PHF20L1: variants seen among roughly 807,000 people sequenced by gnomAD.
PHF20L1 encodes PHD finger protein 20 like 1, also known as PHD finger protein 20-like protein 1.
Under a neutral mutation model 125.5 loss-of-function variants are expected in PHF20L1, and 44 were observed. The observed-to-expected ratio is 0.35, with a 90% CI of 0.28 to 0.45. The LOEUF is 0.45. PHF20L1 is among the 20% of genes least tolerant of loss of function. The pLI is 1.00. For missense variants in PHF20L1, 1,012 were observed against 1,217.2 expected (o/e 0.83, Z 2.51); for synonymous variants, 380 against 403.1 (o/e 0.94, Z 0.69).
intron 6 of PHF20L1, among the ~76,000 whole-genome samples, chr8:132,802,381 A>G (rs1833174561): frequency 6.6e-6 from 1 of 151,414 alleles, no homozygotes; most frequent in South Asian, 2.1e-4. Flanking sequence ...GCTTATGTTT[A>G]GGGTTCAGCT....
At chr8:132,824,727 A>G (rs1587008151) in intron 13 of PHF20L1, 1 of 171,984 alleles carries the variant, frequency 5.8e-6, no homozygotes, top group East Asian at 1.5e-4. Flanking sequence ...AATTAGTTTA[A>G]TGAAATATAT....
chr8:132,775,537 G>A lies in PHF20L1; in HGVS notation c.-146G>A. The A allele has an allele frequency of 2.7e-6, 1 of 371,232 alleles. No homozygotes were observed. Among genetic ancestry groups the A allele is most frequent in the Non-Finnish European group, 4.8e-6 (1 of 208,342 alleles). 23.0% of individuals were successfully genotyped at this position (371,232 alleles called of 1,614,324 possible). A position where few individuals can be genotyped will look rare whatever the true frequency, so the allele number is the denominator to read the frequency against. On this transcript the variant is annotated 5_prime_UTR_variant, in exon 1 of 21. Transcript: ENST00000395386. Reference sequence around the variant, plus strand: ...CTCGCTCCGCTCCTGCTCCCTCCCCGGCCGCTGCCTGGGCGGAGGCAGAGG... The same window carrying A: ...CTCGCTCCGCTCCTGCTCCCTCCCCAGCCGCTGCCTGGGCGGAGGCAGAGG...
At chr8:132,811,726 A>G (rs559365192) in intron 9 of PHF20L1, 1 of 985,328 alleles carries the variant, frequency 1.0e-6, no homozygotes, top group South Asian at 4.7e-5. Flanking sequence ...TTCCCACAAT[A>G]CTTGTACATA....
At chr8:132,825,648 C>T (rs1009482614) in intron 14 of PHF20L1, among the ~76,000 whole-genome samples, 2 of 152,008 alleles carry the variant, frequency 1.3e-5, no homozygotes, top group Admixed American at 6.6e-5. Flanking sequence ...GACCAAGCAC[C>T]CTTTAGCATG....
chr8:132,816,042 A>G (rs867522816), intron 10 of PHF20L1: 2 of 151,868 alleles, frequency 1.3e-5, no homozygotes, highest in African/African-American at 4.8e-5. Flanking sequence ...TTACTCTTAA[A>G]TACCCAAACA....
At chr8:132,796,883 A>G (rs2131482144) in intron 4 of PHF20L1, among the ~76,000 whole-genome samples, 1 of 152,228 alleles carries the variant, frequency 6.6e-6, no homozygotes, top group Admixed American at 6.5e-5. Context: ...TTAAACAGTC[A>G]TTGCCCTCTA....
chr8:132,819,754 A>G (rs1358348782), intron 12 of PHF20L1, among the ~76,000 whole-genome samples: 2 of 151,972 alleles, frequency 1.3e-5, no homozygotes, highest in Non-Finnish European at 1.5e-5. Flanking sequence ...TCCATATTAT[A>G]AAAGTAAATT....
intron 8 of PHF20L1, among the ~76,000 whole-genome samples, chr8:132,804,996 A>G (rs1015247731): frequency 2.0e-5 from 3 of 151,930 alleles, no homozygotes; most frequent in African/African-American, 7.2e-5. Context: ...CAAATGCTAC[A>G]AAGCTCAGTG....
chr8:132,839,393 G>T lies in PHF20L1; in HGVS notation c.2198G>T (p.Arg733Met). 1 of 1,611,154 alleles carries T rather than the reference G, an allele frequency of 6.2e-7. No homozygotes were observed. ...ATATCAACTTCATCTGCAGGTCAGA[G>T]GTGGAGTGCAAAATATCGTTATGAT... ...CYICRDPPGQRWSAKYRYDKE... is the reference protein window; with the variant it reads ...CYICRDPPGQMWSAKYRYDKE... Residue 733 changes from arginine (R) to methionine (M), a missense_variant, in exon 18 of 21, where the codon AGG becomes ATG. Around this residue, in one of 7 missense-constraint regions of PHF20L1, gnomAD observed 55 missense variants for 114.8 expected, o/e 0.48. Coordinates refer to ENST00000395386, the MANE Select transcript of PHF20L1 (RefSeq NM_016018.5).
rs1410040461 is a variant in PHF20L1, at chr8:132,814,766, C to T, written c.1060C>T (p.His354Tyr). 6.2e-7 allele frequency: 1 copy of T among 1,613,030 alleles called. No homozygotes were observed. The highest frequency in any genetic ancestry group is 8.5e-7 in the Non-Finnish European group (1 of 1,179,242). Residue 354 changes from histidine (H) to tyrosine (Y), a missense_variant, in exon 10 of 21, where the codon CAT becomes TAT. By Grantham distance (83) the His-to-Tyr change is moderately conservative. Around this residue, in one of 7 missense-constraint regions of PHF20L1, gnomAD observed 119 missense variants for 160.2 expected, o/e 0.74. Coordinates refer to ENST00000395386, the MANE Select transcript of PHF20L1 (RefSeq NM_016018.5). ...SGKARSKKCK[H>Y]ESGDSSGCIK... The stretch of plus-strand genomic sequence containing the variant: ...GAAGGCTCGCAGCAAGAAATGCAAA[C>T]ATGAATCTGGAGATTCTTCTGGGTG...
chr8:132,780,473 T>C (rs962134938), intron 2 of PHF20L1, among the ~76,000 whole-genome samples: 34 of 152,184 alleles, frequency 2.2e-4, no homozygotes, highest in Admixed American at 2.2e-3. Flanking sequence ...AAGCAAAATA[T>C]TATAGTTAAT....
At chr8:132,840,537 G>T (rs1449662212) in intron 18 of PHF20L1, among the ~76,000 whole-genome samples, 2 of 152,010 alleles carry the variant, frequency 1.3e-5, no homozygotes, top group African/African-American at 4.8e-5. Context: ...TCTTCCTGTT[G>T]CCCAATGGAC....
chr8:132,842,829 A>G lies in PHF20L1; in HGVS notation c.2702A>G (p.Lys901Arg), dbSNP rs1838066437. The G allele has an allele frequency of 1.9e-6, 3 of 1,612,928 alleles. No homozygotes were observed. The highest frequency in any genetic ancestry group is 1.1e-5 in the South Asian group (1 of 91,024). ...GAACAAGAATTCCACATGAGAAGTA[A>G]AAACAGTTTACAGTACTCAGCAAAA... Reference protein sequence around the residue: ...EEEQEFHMRSKNSLQYSAKEH... With the variant: ...EEEQEFHMRSRNSLQYSAKEH... Residue 901 changes from lysine (K) to arginine (R), a missense_variant, in exon 19 of 21, where the codon AAA becomes AGA. Lys to Arg is a conservative substitution (Grantham distance 26). Transcript: ENST00000395386.
intron 6 of PHF20L1, among the ~76,000 whole-genome samples, chr8:132,803,182 T>G (rs1833288597): frequency 6.6e-6 from 1 of 151,822 alleles, no homozygotes; most frequent in South Asian, 2.1e-4. Context: ...ATGTGGAGTT[T>G]TGACAGTTAA....
At chr8:132,786,055 A>G (rs1220268941) in intron 2 of PHF20L1, among the ~76,000 whole-genome samples, 1 of 152,146 alleles carries the variant, frequency 6.6e-6, no homozygotes, top group African/African-American at 2.4e-5. Flanking sequence ...TATGGCAAAT[A>G]CATTGTGACT....
At chr8:132,835,896 C>T (rs1323460031) in intron 15 of PHF20L1, among the ~76,000 whole-genome samples, 2 of 152,058 alleles carry the variant, frequency 1.3e-5, no homozygotes, top group African/African-American at 4.8e-5. Context: ...CTGATACTGT[C>T]AATAATGCTA....
At chr8:132,782,492 A>G (rs911929852) in intron 2 of PHF20L1, among the ~76,000 whole-genome samples, 4 of 152,204 alleles carry the variant, frequency 2.6e-5, no homozygotes, top group African/African-American at 9.6e-5. Context: ...TAAGTGATTG[A>G]GTTTTTAAAG....
At chr8:132,823,075 A>G (rs1247633756) in intron 12 of PHF20L1, among the ~76,000 whole-genome samples, 1 of 152,004 alleles carries the variant, frequency 6.6e-6, no homozygotes, top group African/African-American at 2.4e-5. Flanking sequence ...TGGTTTAAAA[A>G]TGAATTTTGG....
chr8:132,812,724 T>C, intron 9 of PHF20L1: 3 of 984,244 alleles, frequency 3.0e-6, no homozygotes, highest in South Asian at 4.7e-5. Context: ...AGCCGAGTTA[T>C]AAAGCTCTTA....
Sources: allele counts gnomAD v4.1 joint callset (sites outside exome capture counted in the v4.1 genomes callset), GRCh38; gene constraint gnomAD v4.1.1; regional missense constraint gnomAD v4.1.1; transcripts MANE v1.5; gene names NCBI Gene and HGNC (gene_info 2026-07-23, HGNC 2026-07-21).